The following PDE3A variants were observed in gnomAD, a reference collection of about 807,000 sequenced individuals.
PDE3A encodes the protein cGMP-inhibited 3',5'-cyclic phosphodiesterase 3A.
A neutral mutation model predicts 98.3 loss-of-function variants in PDE3A; 43 were observed. That is an observed-to-expected ratio of 0.44 (90% CI 0.34 to 0.56). PDE3A has a LOEUF of 0.56. Among genes scored for constraint, PDE3A ranks in the 20% least tolerant of loss-of-function variants. The pLI is 0.01. For synonymous variants in PDE3A, 663 were observed against 567.9 expected, an observed-to-expected ratio of 1.17 and a Z score of -2.38; for missense variants, 1,427 against 1,440.7, an observed-to-expected ratio of 0.99 and a Z score of 0.15.
At chr12:20,414,273 C>G (rs750362808) in intron 1 of PDE3A, among the ~76,000 whole-genome samples, 8 of 152,136 alleles carry the variant, frequency 5.3e-5, no homozygotes, top group African/African-American at 1.7e-4. Flanking sequence ...GAAAAAGAAG[C>G]ACTCTTGAGA....
chr12:20,409,650 A>G (rs958036632), intron 1 of PDE3A, among the ~76,000 whole-genome samples: 4 of 152,122 alleles, frequency 2.6e-5, no homozygotes, highest in Non-Finnish European at 4.4e-5. Context: ...TAAATCTTCT[A>G]CCCCAGATAA....
chr12:20,386,172 AAAATATATAT>A (rs1262942290), intron 1 of PDE3A, among the ~76,000 whole-genome samples: 8,618 of 46,592 alleles, frequency 0.18, 698 homozygotes, highest in Non-Finnish European at 0.25. Flanking sequence ...TAAATATATA[AAAATATATAT>A]AAATATATAT....
intron 3 of PDE3A, among the ~76,000 whole-genome samples, chr12:20,615,124 C>T (rs948324100): frequency 5.0e-5 from 7 of 139,428 alleles, no homozygotes; most frequent in Admixed American, 1.6e-4. Flanking sequence ...TGGTCTCAAA[C>T]TCCTCGTGAC....
intron 1 of PDE3A, among the ~76,000 whole-genome samples, chr12:20,532,125 C>A (rs1034340041): frequency 2.0e-5 from 3 of 151,798 alleles, no homozygotes; most frequent in Non-Finnish European, 4.4e-5. Flanking sequence ...CTAATATGTT[C>A]TCTGAATGCA....
rs1259333739 is a variant in PDE3A at position 20,684,473 on chromosome 12, A to G, written c.*4202A>G. ...TAGAGATTATTAGCTAATGTGTGAAAGAAATATCAATAGAAGTTCAAATGC... is the reference window on the plus strand; with the variant it reads ...TAGAGATTATTAGCTAATGTGTGAAGGAAATATCAATAGAAGTTCAAATGC... On this transcript the variant is annotated 3_prime_UTR_variant, in exon 16 of 16. Coordinates refer to ENST00000359062, the MANE Select transcript of PDE3A (RefSeq NM_000921.5). 6.6e-6 allele frequency: 1 copy of G among 152,226 alleles called. No homozygotes were observed. The highest frequency in any genetic ancestry group is 6.5e-5 in the Admixed American group (1 of 15,282). 9.4% of individuals were successfully genotyped at this position (152,226 alleles called of 1,614,324 possible).
Position 20,646,852 on chromosome 12 carries a change from G to T in PDE3A, c.2467G>T (p.Ala823Ser), listed in dbSNP as rs553437033. 1.9e-6 allele frequency: 3 copies of T among 1,613,222 alleles called. No homozygotes were observed. The African/African-American group carries it at 4.0e-5, about 22-fold the overall frequency. The change falls in exon 12 of 16, where the codon GCC (alanine) becomes TCC (serine). Residue 823 changes from alanine (A) to serine (S), a missense_variant. Physicochemically the swap from Ala to Ser is moderately conservative, Grantham distance 99 (BLOSUM62 1). Transcript: ENST00000359062. Reference sequence around the variant, plus strand: ...CGGATGTCTGTCTGGGAATATCCCTGCCTTGGAGTTGATGGCGCTGTATGT... The same window carrying T: ...CGGATGTCTGTCTGGGAATATCCCTTCCTTGGAGTTGATGGCGCTGTATGT... The part of the protein sequence containing the change: ...KYGCLSGNIP[A>S]LELMALYVAA...
chr12:20,637,405 G>A (rs935890756), intron 9 of PDE3A, among the ~76,000 whole-genome samples, 168 bp downstream of exon 9: 19 of 148,758 alleles, frequency 1.3e-4, no homozygotes, highest in African/African-American at 4.4e-4. Flanking sequence ...AAAAGAAACT[G>A]GAACTTCAAG....
At chr12:20,542,607 G>A (rs1464434704) in intron 1 of PDE3A, among the ~76,000 whole-genome samples, 1 of 151,934 alleles carries the variant, frequency 6.6e-6, no homozygotes, top group East Asian at 1.9e-4. Flanking sequence ...TTGTTTAAAT[G>A]CAATACATCA....
rs772459607 is a variant in PDE3A, at chr12:20,370,062, C to T, written c.778C>T (p.Pro260Ser). The T allele has an allele frequency of 7.4e-6, 12 of 1,612,634 alleles. No homozygotes were observed. Among genetic ancestry groups the T allele is most frequent in the Non-Finnish European group, 1.0e-5 (12 of 1,179,582 alleles). Reference sequence around the variant, plus strand: ...GGCCAGGTACGTGGAACAAATCTTGCCGCAGTCCGCGGAGGCGGCTCCAAG... The same window carrying T: ...GGCCAGGTACGTGGAACAAATCTTGTCGCAGTCCGCGGAGGCGGCTCCAAG... Reference protein sequence around the residue: ...LLARYVEQILPQSAEAAPREH... With the variant: ...LLARYVEQILSQSAEAAPREH... Residue 260 changes from proline to serine, a missense_variant, in exon 1 of 16, where the codon CCG becomes TCG. Pro to Ser is a moderately conservative substitution (Grantham distance 74). Transcript: ENST00000359062.
intron 1 of PDE3A, among the ~76,000 whole-genome samples, chr12:20,521,442 A>C (rs1435083479): frequency 6.6e-6 from 1 of 152,176 alleles, no homozygotes; most frequent in Admixed American, 6.5e-5. Context: ...TTGAATACTC[A>C]GTTGTGAATT....
At chr12:20,486,316 A>G (rs1463690757) in intron 1 of PDE3A, among the ~76,000 whole-genome samples, 1 of 152,060 alleles carries the variant, frequency 6.6e-6, no homozygotes, top group East Asian at 1.9e-4. Flanking sequence ...CACAGGAGGA[A>G]CTGCCTAACA....
At chr12:20,487,501 T>TAAAAAAAAA (rs34671800) in intron 1 of PDE3A, among the ~76,000 whole-genome samples, 17 of 61,992 alleles carry the variant, frequency 2.7e-4, no homozygotes, top group African/African-American at 7.1e-4. Flanking sequence ...CTGTCTCTAC[T>TAAAAAAAAA]AAAAAAAAAA....
intron 1 of PDE3A, among the ~76,000 whole-genome samples, chr12:20,491,346 G>A (rs139643389): frequency 3.2e-4 from 48 of 152,282 alleles, no homozygotes; most frequent in African/African-American, 1.1e-3. Context: ...ACGAACATTC[G>A]TGTTTTCTTC....
chr12:20,370,715 A>G (rs1943457562), intron 1 of PDE3A, among the ~76,000 whole-genome samples: 1 of 152,228 alleles, frequency 6.6e-6, no homozygotes, highest in African/African-American at 2.4e-5. Context: ...GATATTAAAC[A>G]TTTATGAAAA....
At position 20,645,222 on chromosome 12, in the gene PDE3A, T is replaced by A. The variant is rs182093406; in HGVS notation, c.2252-1268T>A. 1.9e-4 allele frequency among the ~76,000 whole-genome samples: 29 copies of A among 152,178 alleles called. No individual in the cohort carries two copies. In the East Asian group the frequency reaches 5.4e-3, roughly 28 times the overall value. On this transcript the variant is annotated intron_variant, in intron 10 of 15. Transcript: ENST00000359062. ...GTTTCTTTAAGCTCTTCTGATGAGA[T>A]CTTTTCAAACCCACATCCAGGCCTT...
chr12:20,376,401 T>A (rs1051372899), intron 1 of PDE3A, among the ~76,000 whole-genome samples: 6 of 151,834 alleles, frequency 4.0e-5, no homozygotes, highest in Admixed American at 3.3e-4. Context: ...TTGTAATTTT[T>A]CCCATGGAGC....
intron 2 of PDE3A, among the ~76,000 whole-genome samples, chr12:20,561,698 A>C (rs1942526592): frequency 6.6e-6 from 1 of 152,156 alleles, no homozygotes; most frequent in African/African-American, 2.4e-5. Context: ...CGGGATACTT[A>C]ATAAATAAGT....
At chr12:20,589,868 T>TAA (rs11362815) in intron 2 of PDE3A, among the ~76,000 whole-genome samples, 33 of 112,378 alleles carry the variant, frequency 2.9e-4, no homozygotes, top group African/African-American at 9.2e-4. Context: ...GACTGCATCT[T>TAA]AAAAAAAAAA....
At chr12:20,612,411 G>C (rs1483424169) in intron 2 of PDE3A, among the ~76,000 whole-genome samples, 3 of 150,510 alleles carry the variant, frequency 2.0e-5, no homozygotes, top group Non-Finnish European at 4.4e-5. Context: ...CTTTGCTTAT[G>C]GTATATTTTC....
Sources: gnomAD v4.1 joint callset for allele counts (sites outside exome capture counted in the v4.1 genomes callset) on GRCh38, gnomAD v4.1.1 for gene constraint, MANE v1.5 for transcripts, NCBI Gene and HGNC (gene_info 2026-07-23, HGNC 2026-07-21) for gene names.